The following GALNT14 variants were observed in gnomAD, a reference collection of about 807,000 sequenced individuals.
The protein encoded by GALNT14 is polypeptide N-acetylgalactosaminyltransferase 14, also known as UDP-GalNAc:polypeptide N-acetylgalactosaminyltransferase 14.
In GALNT14, 60 loss-of-function variants were observed where a neutral mutation model predicts 77.5. The ratio of observed to expected loss-of-function variants is 0.77; its 90% CI spans 0.63 to 0.96. The LOEUF (loss-of-function observed/expected upper bound fraction) is 0.96. GALNT14 is among the 40% of genes least tolerant of loss of function. The pLI, the probability that GALNT14 is intolerant of heterozygous loss-of-function variation, is 0.00. For missense variants in GALNT14, 710 were observed against 731.0 expected (o/e 0.97, Z 0.33); for synonymous variants, 280 against 281.7 (o/e 0.99, Z 0.06).
intron 1 of GALNT14, among the ~76,000 whole-genome samples, chr2:31,094,972 G>C (rs1025594123): frequency 2.0e-5 from 3 of 152,176 alleles, no homozygotes; most frequent in Non-Finnish European, 4.4e-5. Flanking sequence ...ATCAGGAAGA[G>C]GCTAGGAGTT....
chr2:30,887,422 C>A, the GALNT14 span, among the ~76,000 whole-genome samples: 1 of 152,080 alleles, frequency 6.6e-6, no homozygotes, highest in Non-Finnish European at 1.5e-5. Context: ...GATAGCCATC[C>A]TAGTGCATGG....
chr2:31,015,025 C>T (rs1339542666), intron 1 of GALNT14, among the ~76,000 whole-genome samples: 1 of 152,170 alleles, frequency 6.6e-6, no homozygotes, highest in East Asian at 1.9e-4. Context: ...CACCGTGGCT[C>T]ATGCCTGTAA....
intron 1 of GALNT14, among the ~76,000 whole-genome samples, chr2:31,061,253 G>C (rs991366671): frequency 1.3e-5 from 2 of 152,132 alleles, no homozygotes; most frequent in African/African-American, 4.8e-5. Flanking sequence ...TCAACAGCAA[G>C]CAAGTTCCTG....
chr2:30,900,584 A>G, the GALNT14 span, among the ~76,000 whole-genome samples: 1 of 152,214 alleles, frequency 6.6e-6, no homozygotes, highest in African/African-American at 2.4e-5. Context: ...GGTGGGAAAG[A>G]CAGCGGTGAC....
intron 2 of GALNT14, among the ~76,000 whole-genome samples, chr2:30,970,781 C>G (rs1348277194): frequency 6.6e-6 from 1 of 152,108 alleles, no homozygotes; most frequent in East Asian, 1.9e-4. Flanking sequence ...GGTGCCATCC[C>G]CCACCTCACA....
At chr2:31,029,974 GTTC>G (rs1348120439) in intron 1 of GALNT14, among the ~76,000 whole-genome samples, 1 of 152,232 alleles carries the variant, frequency 6.6e-6, no homozygotes, top group African/African-American at 2.4e-5. Context: ...GAACGAGTGA[GTTC>G]TTCTCTGCTC....
intron 13 of GALNT14, among the ~76,000 whole-genome samples, chr2:30,922,781 G>C (rs1181254645): frequency 6.6e-6 from 1 of 152,204 alleles, no homozygotes; most frequent in East Asian, 1.9e-4. Context: ...GCCCTTTGAG[G>C]GGCCCTTCAG....
At chr2:31,037,211 A>G (rs1196185247) in intron 1 of GALNT14, among the ~76,000 whole-genome samples, 2 of 152,098 alleles carry the variant, frequency 1.3e-5, no homozygotes, top group East Asian at 3.8e-4. Context: ...ATCTCAGTTA[A>G]CCTATTTGCA....
chr2:30,895,694 T>G, the GALNT14 span, among the ~76,000 whole-genome samples: 4 of 152,166 alleles, frequency 2.6e-5, no homozygotes, highest in Admixed American at 2.6e-4. Flanking sequence ...CTGCAAAGCT[T>G]TTCCTTTCCC....
intron 1 of GALNT14, among the ~76,000 whole-genome samples, chr2:31,053,671 C>T (rs1374405880): frequency 1.3e-5 from 2 of 152,168 alleles, no homozygotes; most frequent in East Asian, 1.9e-4. Context: ...AAAGCAGTTG[C>T]CTGCTTCCAT....
chr2:30,975,027 G>A (rs1668554752), intron 2 of GALNT14, among the ~76,000 whole-genome samples: 1 of 152,190 alleles, frequency 6.6e-6, no homozygotes, highest in Non-Finnish European at 1.5e-5. Context: ...GCCAAGGTCA[G>A]TGATACAGCA....
At chr2:31,083,506 C>T (rs1051846847) in intron 1 of GALNT14, among the ~76,000 whole-genome samples, 3 of 152,162 alleles carry the variant, frequency 2.0e-5, no homozygotes, top group Non-Finnish European at 4.4e-5. Flanking sequence ...GGTGAGGAAG[C>T]AGGATCTGGC....
intron 13 of GALNT14, among the ~76,000 whole-genome samples, chr2:30,919,947 G>A (rs1381846295): frequency 6.6e-6 from 1 of 152,120 alleles, no homozygotes; most frequent in African/African-American, 2.4e-5. Context: ...TTGACATGGG[G>A]GTACAACCTT....
At chr2:31,107,696 G>GA (rs1225855262) in intron 1 of GALNT14, among the ~76,000 whole-genome samples, 1 of 151,986 alleles carries the variant, frequency 6.6e-6, no homozygotes, top group Non-Finnish European at 1.5e-5. Flanking sequence ...GAATGGGAAG[G>GA]AAAAAAATGC....
chr2:31,023,166 CA>C (rs1411425808), intron 1 of GALNT14, among the ~76,000 whole-genome samples: 68 of 127,374 alleles, frequency 5.3e-4, no homozygotes, highest in African/African-American at 1.5e-3. Flanking sequence ...AAAACAAAAA[CA>C]AAAACAAAAA....
intron 1 of GALNT14, among the ~76,000 whole-genome samples, chr2:31,064,383 T>C (rs1219538559): frequency 6.6e-6 from 1 of 152,212 alleles, no homozygotes; most frequent in African/African-American, 2.4e-5. Context: ...CAGTCAACTA[T>C]CCCAGTGCTT....
chr2:31,078,044 C>G (rs1272099000), intron 1 of GALNT14, among the ~76,000 whole-genome samples: 3 of 152,204 alleles, frequency 2.0e-5, no homozygotes, highest in African/African-American at 7.2e-5. Flanking sequence ...AAGCTGAGGA[C>G]ATTGCTATGT....
chr2:30,950,363 A>T (rs891555155), intron 6 of GALNT14, among the ~76,000 whole-genome samples: 3 of 152,202 alleles, frequency 2.0e-5, no homozygotes, highest in Non-Finnish European at 4.4e-5. Context: ...GAGGTTTTCA[A>T]TGTGGAAAAC....
intron 1 of GALNT14, among the ~76,000 whole-genome samples, chr2:31,074,712 T>C (rs190733691): frequency 9.8e-5 from 15 of 152,292 alleles, no homozygotes; most frequent in Non-Finnish European, 1.3e-4. Flanking sequence ...AGAACACTCA[T>C]GCGAGCCCTC....
Sources: allele counts gnomAD v4.1 joint callset (sites outside exome capture counted in the v4.1 genomes callset), GRCh38; gene constraint gnomAD v4.1.1; transcripts MANE v1.5; gene names NCBI Gene and HGNC (gene_info 2026-07-23, HGNC 2026-07-21).